Variants in PDSS1 observed in about 807,000 individuals in gnomAD.
PDSS1 encodes the protein decaprenyl diphosphate synthase subunit 1.
In PDSS1, 43 loss-of-function variants were observed where a neutral mutation model predicts 57.5. That is an observed-to-expected ratio of 0.75 (90% confidence interval 0.59 to 0.96). The LOEUF (loss-of-function observed/expected upper bound fraction) is 0.96. Among genes scored for constraint, PDSS1 ranks in the 50% least tolerant of loss-of-function variants. The pLI is 0.00. For missense variants in PDSS1, 438 were observed against 527.8 expected, an observed-to-expected ratio of 0.83 and a Z score of 1.67; for synonymous variants, 175 against 191.3, an observed-to-expected ratio of 0.91 and a Z score of 0.70.
At chr10:26,721,468 ATTG>A (rs145506777) in intron 6 of PDSS1, among the ~76,000 whole-genome samples, 3,029 of 151,796 alleles carry the variant, frequency 0.02, 102 homozygotes, top group African/African-American at 0.07. Flanking sequence ...ATATATGTTT[ATTG>A]TTATCTTCAC....
chr10:26,746,227 A>C (rs886468827), intron 11 of PDSS1, 106 bp from the exon 12 acceptor site: 1 of 1,112,528 alleles, frequency 9.0e-7, no homozygotes, highest in Non-Finnish European at 1.4e-6. Context: ...TGTAATCCTC[A>C]GCTCATCTGA....
intron 7 of PDSS1, 39 bp from the exon 8 acceptor site, chr10:26,723,975 T>C (rs1835871360): frequency 6.3e-7 from 1 of 1,587,644 alleles, no homozygotes; most frequent in Non-Finnish European, 8.7e-7. Flanking sequence ...AGCCAGGCAA[T>C]AAAGCCACCT....
rs76916084 is a variant in PDSS1 at position 26,707,271 on chromosome 10, G to C, written c.336+1877G>C. ...GCCATTTTGCCTCTTAGTGTGCATG[G>C]TTGAGCCGACTCACCCAACTCCCGA... On this transcript the variant is annotated intron_variant, in intron 4 of 11. Coordinates refer to ENST00000376215, the MANE Select transcript of PDSS1 (RefSeq NM_014317.5). 2.3e-3 allele frequency among the ~76,000 whole-genome samples: 346 copies of C among 152,236 alleles called. 9 individuals are homozygous for C. In the East Asian group the frequency reaches 0.049, roughly 22 times the overall value.
chr10:26,744,773 A>C (rs1445100876), intron 11 of PDSS1, among the ~76,000 whole-genome samples: 2 of 152,226 alleles, frequency 1.3e-5, no homozygotes, highest in Non-Finnish European at 2.9e-5. Flanking sequence ...GCTTCTGTAC[A>C]AAAAGGAACA....
intron 8 of PDSS1, among the ~76,000 whole-genome samples, chr10:26,727,804 T>C (rs1365509444): frequency 6.6e-6 from 1 of 152,216 alleles, no homozygotes; most frequent in Admixed American, 6.5e-5. Flanking sequence ...CATTTTGCTG[T>C]CATGACTCTG....
intron 10 of PDSS1, among the ~76,000 whole-genome samples, chr10:26,742,091 A>G (rs1836636137): frequency 6.6e-6 from 1 of 152,116 alleles, no homozygotes; most frequent in Non-Finnish European, 1.5e-5. Context: ...TGGCCAGGCT[A>G]GTCTCAAACT....
At chr10:26,741,115 A>G (rs1836587292) in intron 10 of PDSS1, among the ~76,000 whole-genome samples, 1 of 152,092 alleles carries the variant, frequency 6.6e-6, no homozygotes, top group Non-Finnish European at 1.5e-5. Context: ...GAGGAGGTTG[A>G]AAATCTTGGT....
intron 4 of PDSS1, among the ~76,000 whole-genome samples, chr10:26,707,946 T>C (rs1396407508): frequency 6.6e-6 from 1 of 152,246 alleles, no homozygotes; most frequent in Non-Finnish European, 1.5e-5. Context: ...AGTCTGCCTC[T>C]TGTCAGTCCC....
chr10:26,702,161 G>A lies in PDSS1; in HGVS notation c.130-1G>A. Reference sequence around the variant, plus strand: ...AACGTAACTTGTTTTTGATTTTACAGGTTCATAGGCGGAAGGGACTTGACT... The same window carrying A: ...AACGTAACTTGTTTTTGATTTTACAAGTTCATAGGCGGAAGGGACTTGACT... On this transcript the variant is annotated splice_acceptor_variant, in intron 1 of 11. Transcript: ENST00000376215. LOFTEE classifies it high-confidence loss of function. 1 of 456,262 alleles carries A rather than the reference G, an allele frequency of 2.2e-6. No homozygotes were observed. The highest frequency in any genetic ancestry group is 4.4e-6 in the Non-Finnish European group (1 of 226,596). The allele number at this position is 456,262 out of a possible 1,614,324, so 28.3% of individuals were successfully genotyped here. A position where few individuals can be genotyped will look rare whatever the true frequency, so the allele number is the denominator to read the frequency against.
chr10:26,743,901 G>GA (rs796100702), intron 11 of PDSS1, among the ~76,000 whole-genome samples: 178 of 147,834 alleles, frequency 1.2e-3, no homozygotes, highest in African/African-American at 3.5e-3. Flanking sequence ...ATAACAGGGG[G>GA]AAAAAAAAAC....
chr10:26,727,296 A>C (rs1208173283), intron 8 of PDSS1, among the ~76,000 whole-genome samples: 1 of 150,242 alleles, frequency 6.7e-6, no homozygotes, highest in African/African-American at 2.4e-5. Flanking sequence ...TTGAACCCAG[A>C]GCTGGGTATG....
chr10:26,740,731 G>T, intron 10 of PDSS1: 1 of 456,582 alleles, frequency 2.2e-6, no homozygotes, highest in Non-Finnish European at 4.4e-6. Flanking sequence ...TGGAGCCATA[G>T]ACTGTTAGAG....
intron 8 of PDSS1, among the ~76,000 whole-genome samples, chr10:26,732,499 C>T (rs971810448): frequency 1.3e-5 from 2 of 151,238 alleles, no homozygotes; most frequent in Admixed American, 1.3e-4. Context: ...TTTTGTTGCC[C>T]AGCATAGAAG....
chr10:26,728,623 C>T (rs1260715697), intron 8 of PDSS1, among the ~76,000 whole-genome samples: 2 of 151,954 alleles, frequency 1.3e-5, no homozygotes, highest in Non-Finnish European at 2.9e-5. Flanking sequence ...CTATTTTCAT[C>T]ATTTCTTCTA....
chr10:26,730,716 C>A (rs1836160804), intron 8 of PDSS1, among the ~76,000 whole-genome samples: 1 of 152,152 alleles, frequency 6.6e-6, no homozygotes, highest in African/African-American at 2.4e-5. Context: ...CCCCTACCCC[C>A]TTGTAGGTAA....
chr10:26,705,120 A>G (rs1835166911), intron 3 of PDSS1, among the ~76,000 whole-genome samples, 166 bp from the exon 4 acceptor site: 1 of 152,208 alleles, frequency 6.6e-6, no homozygotes, highest in Non-Finnish European at 1.5e-5. Flanking sequence ...GTCATTTAGC[A>G]AGAATAGAAT....
At position 26,746,376 on chromosome 10, in the gene PDSS1, G is replaced by A; in HGVS notation, c.1151G>A (p.Cys384Tyr). The change falls in exon 12 of 12, where the codon TGC becomes TAC. Residue 384 changes from cysteine to tyrosine, a missense_variant. This residue lies in a region of PDSS1 where 284 missense variants were observed against 390.7 expected (regional missense o/e 0.73). Transcript: ENST00000376215. ...ACAACCTACCTCGCCCAGCAGTACT[G>A]CCATGAAGCAATAAGAGAGATCAGT... ...QQTTYLAQQY[C>Y]HEAIREISKL... 6.2e-7 allele frequency: 1 copy of A among 1,614,036 alleles called. No homozygotes were observed. Among genetic ancestry groups the A allele is most frequent in the Non-Finnish European group, 8.5e-7 (1 of 1,179,898 alleles).
intron 8 of PDSS1, among the ~76,000 whole-genome samples, chr10:26,727,962 A>C (rs1176142490): frequency 1.3e-5 from 2 of 152,158 alleles, no homozygotes; most frequent in African/African-American, 4.8e-5. Flanking sequence ...ATTTGGCAGG[A>C]ATACCACAAG....
chr10:26,708,778 C>T (rs1001780434), intron 4 of PDSS1, among the ~76,000 whole-genome samples: 1 of 151,916 alleles, frequency 6.6e-6, no homozygotes, highest in Non-Finnish European at 1.5e-5. Context: ...TATGATCGTG[C>T]CACTGCCCTG....
Sources: gnomAD v4.1 joint callset for allele counts (sites outside exome capture counted in the v4.1 genomes callset) on GRCh38, gnomAD v4.1.1 for gene constraint, gnomAD v4.1.1 regional missense constraint, MANE v1.5 for transcripts, NCBI Gene and HGNC (gene_info 2026-07-23, HGNC 2026-07-21) for gene names.